Variants in VPS8 observed in about 807,000 individuals in gnomAD.
The protein encoded by VPS8 is VPS8 subunit of CORVET complex, also known as vacuolar protein sorting-associated protein 8 homolog.
VPS8 carries 129 observed loss-of-function variants against 216.4 expected under a neutral mutation model. The ratio of observed to expected loss-of-function variants is 0.60; its 90% CI spans 0.52 to 0.69. VPS8 has a LOEUF of 0.69. VPS8 is among the 30% of genes least tolerant of loss of function. The pLI is 0.00. For synonymous variants in VPS8, 571 were observed against 565.4 expected (o/e 1.01, Z -0.14); for missense variants, 1,531 against 1,683.5 (o/e 0.91, Z 1.59).
chr3:184,991,964 A>G (rs1459677741), intron 42 of VPS8, among the ~76,000 whole-genome samples: 1 of 152,198 alleles, frequency 6.6e-6, no homozygotes, highest in Non-Finnish European at 1.5e-5. Flanking sequence ...GTTCAAGCCC[A>G]AACTTGTTAA....
chr3:184,895,294 A>G (rs1235823803), intron 23 of VPS8, among the ~76,000 whole-genome samples: 1 of 152,062 alleles, frequency 6.6e-6, no homozygotes, highest in African/African-American at 2.4e-5. Context: ...ACTTTCAACT[A>G]TGGCTGCTTT....
rs755478149 is a variant in VPS8, at chr3:184,849,199, A to G, written c.666+4A>G. On this transcript the variant is annotated splice_donor_region_variant and intron_variant, in intron 9 of 47. Transcript: ENST00000625842. ...TTGTGGCTTTGCTAAAGGACAGGTA[A>G]GATATGAACCTCCTTTAATTCATAA... 6.2e-7 allele frequency: 1 copy of G among 1,611,526 alleles called. No homozygotes were observed. Among genetic ancestry groups the G allele is most frequent in the East Asian group, 2.2e-5 (1 of 44,822 alleles).
intron 1 of VPS8, among the ~76,000 whole-genome samples, chr3:184,821,017 A>G (rs1311600544): frequency 6.6e-6 from 1 of 152,222 alleles, no homozygotes; most frequent in African/African-American, 2.4e-5. Context: ...TTACAAAAAT[A>G]CTGGATTTTG....
chr3:184,936,515 CTGTGTGTGTG>C (rs59011109), intron 35 of VPS8, among the ~76,000 whole-genome samples, 180 bp downstream of exon 35: 7,195 of 119,408 alleles, frequency 0.06, 269 homozygotes, highest in Non-Finnish European at 0.082. Context: ...CAACCTAATA[CTGTGTGTGTG>C]TGTGTGTGTG....
At chr3:184,877,620 G>A (rs1256691958) in intron 21 of VPS8, among the ~76,000 whole-genome samples, 1 of 152,158 alleles carries the variant, frequency 6.6e-6, no homozygotes, top group Non-Finnish European at 1.5e-5. Context: ...GACACACAAA[G>A]GGGTTGAGTA....
chr3:184,890,692 G>T (rs1391662484), intron 22 of VPS8, among the ~76,000 whole-genome samples: 1 of 151,946 alleles, frequency 6.6e-6, no homozygotes, highest in Non-Finnish European at 1.5e-5. Context: ...AATCACATTT[G>T]TTTTTCTCTG....
rs779023017 is a variant in VPS8, at chr3:184,868,981, A to G, written c.1542A>G (p.Thr514=). Reference sequence around the variant, plus strand: ...ATCTCCTGAAACAAGATTGTCTTACAGAAGCGTTGGCTCTTGCGTGGTCTT... The same window carrying G: ...ATCTCCTGAAACAAGATTGTCTTACGGAAGCGTTGGCTCTTGCGTGGTCTT... ...VDHLLKQDCL[T]EALALAWSFH... The change falls in exon 19 of 48, where the codon ACA becomes ACG. Residue 514 remains threonine, a synonymous_variant. Transcript: ENST00000625842. 6.2e-7 allele frequency: 1 copy of G among 1,610,928 alleles called. No homozygotes were observed. The highest frequency in any genetic ancestry group is 1.1e-5 in the South Asian group (1 of 90,074).
At chr3:184,843,618 A>G (rs1226953886) in intron 8 of VPS8, among the ~76,000 whole-genome samples, 2 of 152,174 alleles carry the variant, frequency 1.3e-5, no homozygotes, top group Non-Finnish European at 2.9e-5. Context: ...TTTAAAAATG[A>G]GGTGAAAGCT....
intron 36 of VPS8, among the ~76,000 whole-genome samples, chr3:184,946,374 G>A (rs575521814): frequency 6.7e-4 from 102 of 152,314 alleles, no homozygotes; most frequent in Admixed American, 3.9e-4. Flanking sequence ...CTTGGCCTGC[G>A]CCCAGGAATG....
intron 42 of VPS8, among the ~76,000 whole-genome samples, chr3:184,987,481 G>C (rs1359545686): frequency 6.6e-6 from 1 of 152,014 alleles, no homozygotes; most frequent in Admixed American, 6.6e-5. Context: ...TGGAATCATA[G>C]AGTGCGTAGT....
At chr3:185,026,834 G>A (rs1757437814) in intron 46 of VPS8, among the ~76,000 whole-genome samples, 1 of 149,874 alleles carries the variant, frequency 6.7e-6, no homozygotes, top group African/African-American at 2.5e-5. Flanking sequence ...TTAGTCTCCT[G>A]AGTACCTGGG....
At position 184,926,587 on chromosome 3, in the gene VPS8, C is replaced by T. The variant is rs764008473; in HGVS notation, c.2575-7C>T. On this transcript the variant is annotated splice_polypyrimidine_tract_variant and splice_region_variant and intron_variant, in intron 30 of 47. Transcript: ENST00000625842. The stretch of plus-strand genomic sequence containing the variant: ...TATCAAATAAAAAATACTTTTTCTT[C>T]GGCCAGGTCCTTGAATTCCTTTGTA... 8.2e-6 allele frequency: 13 copies of T among 1,590,170 alleles called. No individual in the cohort carries two copies. Among genetic ancestry groups the T allele is most frequent in the South Asian group, 2.3e-5 (2 of 86,904 alleles).
At chr3:184,989,948 C>CT (rs1751657310) in intron 42 of VPS8, among the ~76,000 whole-genome samples, 1 of 152,034 alleles carries the variant, frequency 6.6e-6, no homozygotes, top group Non-Finnish European at 1.5e-5. Flanking sequence ...TGGCAGGCAC[C>CT]TGTAGTCCCA....
intron 10 of VPS8, among the ~76,000 whole-genome samples, chr3:184,851,996 T>G (rs934090172): frequency 2.0e-5 from 3 of 152,196 alleles, no homozygotes; most frequent in African/African-American, 7.2e-5. Flanking sequence ...TAGCACGTTT[T>G]GGGAAGAGTT....
At chr3:185,044,205 A>G (rs981260413) in intron 46 of VPS8, among the ~76,000 whole-genome samples, 2 of 152,168 alleles carry the variant, frequency 1.3e-5, no homozygotes, top group African/African-American at 4.8e-5. Context: ...AAAGAAAGAA[A>G]GTGACTTTCG....
intron 42 of VPS8, among the ~76,000 whole-genome samples, chr3:184,987,404 G>A (rs996566795): frequency 7.3e-5 from 8 of 109,438 alleles, no homozygotes; most frequent in Admixed American, 1.1e-4. Context: ...GCGAGTCACC[G>A]TGCCCACACT....
Position 184,851,653 on chromosome 3 carries a change from C to T in VPS8, c.754-847C>T, listed in dbSNP as rs142158068. ...GCTTCCCACTCTGGCAACTGCTCAT[C>T]GAGGCTGTAAGAGCAAAGTTGTGGG... On this transcript the variant is annotated intron_variant, in intron 10 of 47. Transcript: ENST00000625842. Among the ~76,000 whole-genome samples, 1,131 of 152,222 alleles carry T rather than the reference C, an allele frequency of 7.4e-3. 12 individuals are homozygous for T. The highest frequency in any genetic ancestry group is 0.02 in the Middle Eastern group (6 of 294).
At position 184,832,742 on chromosome 3, in the gene VPS8, TG is replaced by T; in HGVS notation, c.277del (p.Asp93IlefsTer24). On this transcript the variant is annotated frameshift_variant, in exon 4 of 48. Transcript: ENST00000625842. LOFTEE classifies it high-confidence loss of function. ...ILEDPTLLNI[D>X]TIDSHSYDTS... ...TTGAGGATCCTACATTGTTAAACAT[TG>T]ATACTATTGATTCTCACTCCTATGA... The T allele has an allele frequency of 6.2e-7, 1 of 1,608,364 alleles. No homozygotes were observed. The highest frequency in any genetic ancestry group is 8.5e-7 in the Non-Finnish European group (1 of 1,176,746).
intron 42 of VPS8, among the ~76,000 whole-genome samples, chr3:184,990,726 G>A (rs1033048070): frequency 8.5e-5 from 13 of 152,118 alleles, no homozygotes; most frequent in Admixed American, 5.9e-4. Flanking sequence ...TAATCAAGGC[G>A]TTTCTCATAC....
Sources: gnomAD v4.1 joint callset for allele counts (sites outside exome capture counted in the v4.1 genomes callset) on GRCh38, gnomAD v4.1.1 for gene constraint, MANE v1.5 for transcripts, NCBI Gene and HGNC (gene_info 2026-07-23, HGNC 2026-07-21) for gene names.